Variants in STRN4 observed in about 807,000 individuals in gnomAD.
STRN4 encodes the protein striatin-4.
In STRN4, 27 loss-of-function variants were observed where a neutral mutation model predicts 77.9. That is an observed-to-expected ratio of 0.35 (90% CI 0.26 to 0.48). The LOEUF is 0.48. Among genes scored for constraint, STRN4 ranks in the 20% least tolerant of loss-of-function variants. The pLI is 0.99. For synonymous variants in STRN4, 466 were observed against 443.1 expected, an observed-to-expected ratio of 1.05 and a Z score of -0.65; for missense variants, 798 against 1,049.7, an observed-to-expected ratio of 0.76 and a Z score of 3.31.
At chr19:46,734,334 T>C (rs1306509949) in intron 4 of STRN4, among the ~76,000 whole-genome samples, 1 of 152,218 alleles carries the variant, frequency 6.6e-6, no homozygotes, top group African/African-American at 2.4e-5. Context: ...TAATAGGTAC[T>C]TGGTAAGTGT....
chr19:46,742,594 G>A (rs1438471174), intron 1 of STRN4, among the ~76,000 whole-genome samples: 2 of 151,958 alleles, frequency 1.3e-5, no homozygotes, highest in Non-Finnish European at 2.9e-5. Context: ...ATGGCATCTC[G>A]CTCTGTCACC....
chr19:46,720,449 C>A (rs2053950246), intron 17 of STRN4, 87 bp downstream of exon 17: 2 of 962,032 alleles, frequency 2.1e-6, no homozygotes, highest in East Asian at 6.4e-5. Flanking sequence ...TCACAGGACG[C>A]CCCTGACTGG....
In STRN4 at chr19:46,727,583, G is replaced by T. The variant is rs200592582; in HGVS notation, c.1154-37C>A. On this transcript the variant is annotated intron_variant, in intron 8 of 17. Coordinates refer to ENST00000263280, the MANE Select transcript of STRN4 (RefSeq NM_013403.3). ...CCAAAGGAACCTGGTAGGGGGAGGGGAGGGAGGGGCAGAGAGGGCCAGGGA... is the reference window on the plus strand; with the variant it reads ...CCAAAGGAACCTGGTAGGGGGAGGGTAGGGAGGGGCAGAGAGGGCCAGGGA... 7.4e-4 allele frequency: 1,166 copies of T among 1,586,110 alleles called. No homozygotes were observed. Among genetic ancestry groups the T allele is most frequent in the Admixed American group, 9.9e-4 (59 of 59,812 alleles).
At chr19:46,731,160 A>G (rs1291545725) in intron 5 of STRN4, among the ~76,000 whole-genome samples, 2 of 152,094 alleles carry the variant, frequency 1.3e-5, no homozygotes, top group Non-Finnish European at 2.9e-5. Context: ...ACAAATCTCC[A>G]TCCTGTGCTG....
chr19:46,741,970 G>C lies in STRN4; in HGVS notation c.283-3082C>G, dbSNP rs548139276. 1.3e-5 allele frequency among the ~76,000 whole-genome samples: 2 copies of C among 152,326 alleles called. No homozygotes were observed. The highest frequency in any genetic ancestry group is 3.9e-4 in the East Asian group (2 of 5,188). On this transcript the variant is annotated intron_variant, in intron 1 of 17. Transcript: ENST00000263280. This position sits in a 1 kb window ranked among gnomAD's most constrained non-coding sequence, Gnocchi z 4.9. Reference sequence around the variant, plus strand: ...CTCTGCTGGCACCGCACTCACTGCAGGTCCCTGTCGCTGCTCCTATACAAA... The same window carrying C: ...CTCTGCTGGCACCGCACTCACTGCACGTCCCTGTCGCTGCTCCTATACAAA...
rs2054017825 is a variant in STRN4 at position 46,723,043 on chromosome 19, C to T, written c.1765+71G>A. 6.3e-7 allele frequency: 1 copy of T among 1,580,716 alleles called. No individual in the cohort carries two copies. The highest frequency in any genetic ancestry group is 8.6e-7 in the Non-Finnish European group (1 of 1,162,308). ...ACAGTGGGTGGGAGGCCTGGGGCCT[C>T]AGCAGGAACCACTCTGATAGCCTCC... On this transcript the variant is annotated intron_variant, in intron 13 of 17. Coordinates refer to ENST00000263280, the MANE Select transcript of STRN4 (RefSeq NM_013403.3). This position sits in a 1 kb window ranked among gnomAD's most constrained non-coding sequence, Gnocchi z 5.5.
At position 46,733,215 on chromosome 19, in the gene STRN4, G is replaced by C; in HGVS notation, c.561C>G (p.Tyr187Ter). 6.2e-7 allele frequency: 1 copy of C among 1,610,726 alleles called. No homozygotes were observed. The part of the protein sequence containing the change: ...LLRQYLEEVG[Y>*]TDTILDMRSK... ...ACCGCATGTCGAGGATGGTGTCTGT[G>C]TAGCCCACCTCTTCCAGGTACCTGC... is the stretch of plus-strand genomic sequence containing the variant. The change falls in exon 5 of 18, where the codon TAC becomes TAG. Residue 187 changes from tyrosine to a stop codon, truncating the protein, a stop_gained. Transcript: ENST00000263280. LOFTEE classifies it high-confidence loss of function. The surrounding 1 kb of genome is among the most constrained non-coding windows in gnomAD (Gnocchi z 4.3).
chr19:46,722,488 G>A (rs36072940), intron 14 of STRN4, 148 bp from the exon 15 acceptor site: 1,200 of 873,242 alleles, frequency 1.4e-3, no homozygotes, highest in Non-Finnish European at 1.7e-3. Flanking sequence ...GTCCCCGACC[G>A]CAGCGCTGGT....
At chr19:46,725,702 C>A (rs1188705010) in intron 9 of STRN4, 54 bp from the exon 10 acceptor site, 2 of 1,582,396 alleles carry the variant, frequency 1.3e-6, no homozygotes, top group African/African-American at 2.7e-5. Flanking sequence ...AGCAGTCATG[C>A]AGACACCGAC....
chr19:46,734,382 G>A (rs1028019331), intron 4 of STRN4, among the ~76,000 whole-genome samples: 1 of 152,154 alleles, frequency 6.6e-6, no homozygotes, highest in African/African-American at 2.4e-5. Flanking sequence ...TAGGGTTATT[G>A]TTTGCACACA....
chr19:46,737,226 G>A (rs1192310218), intron 3 of STRN4, among the ~76,000 whole-genome samples: 1 of 152,242 alleles, frequency 6.6e-6, no homozygotes, highest in Non-Finnish European at 1.5e-5. Context: ...CATCCCAGCT[G>A]TGTGACCCTG....
chr19:46,725,778 G>A, intron 9 of STRN4, 130 bp from the exon 10 acceptor site: 5 of 1,209,340 alleles, frequency 4.1e-6, no homozygotes, highest in East Asian at 2.5e-5. Context: ...TCAGAGCCTG[G>A]GCTCCAGCCG....
rs537820475 is a variant in STRN4 at position 46,740,844 on chromosome 19, C to T, written c.283-1956G>A. On this transcript the variant is annotated intron_variant, in intron 1 of 17. Coordinates refer to ENST00000263280, the MANE Select transcript of STRN4 (RefSeq NM_013403.3). ...AGGACCCCATTGCGGGAGCGAAGGACGCTATGGGAAGAGGGACAAGAGGCG... is the reference window on the plus strand; with the variant it reads ...AGGACCCCATTGCGGGAGCGAAGGATGCTATGGGAAGAGGGACAAGAGGCG... Among the ~76,000 whole-genome samples the T allele has an allele frequency of 4.6e-5, 7 of 152,166 alleles. No individual in the cohort carries two copies. In the South Asian group the frequency reaches 6.2e-4, roughly 14 times the overall value.
chr19:46,726,448 C>T (rs923932821), intron 9 of STRN4, among the ~76,000 whole-genome samples: 3 of 148,398 alleles, frequency 2.0e-5, no homozygotes, highest in Non-Finnish European at 3.0e-5. Context: ...AGTTCGAGAC[C>T]AGCCTGGGTA....
chr19:46,721,014 G>A (rs549777114), intron 16 of STRN4: 235 of 401,290 alleles, frequency 5.9e-4, no homozygotes, highest in South Asian at 8.9e-4. Flanking sequence ...GCCCCAGGGC[G>A]GCAGGGGCAG....
chr19:46,734,635 T>G (rs1005604454), intron 4 of STRN4, among the ~76,000 whole-genome samples: 1 of 152,138 alleles, frequency 6.6e-6, no homozygotes, highest in South Asian at 2.1e-4. Flanking sequence ...TGATGCAACA[T>G]AACTAATTAA....
chr19:46,725,366 C>T lies in STRN4; in HGVS notation c.1438G>A (p.Asp480Asn). Reference protein sequence around the residue: ...AVTAKKNAALDVEPIHAFRAH... With the variant: ...AVTAKKNAALNVEPIHAFRAH... The stretch of plus-strand genomic sequence containing the variant: ...CGGAAAGCATGTATAGGTTCCACAT[C>T]TAGCGCCGCATTCCTGTGGGATGAC... Residue 480 changes from aspartate (D) to asparagine (N), a missense_variant, in exon 11 of 18, where the codon GAT becomes AAT. By Grantham distance (23) the Asp-to-Asn change is conservative. Transcript: ENST00000263280. 6.2e-7 allele frequency: 1 copy of T among 1,614,188 alleles called. No homozygotes were observed. Among genetic ancestry groups the T allele is most frequent in the Non-Finnish European group, 8.5e-7 (1 of 1,180,042 alleles).
intron 1 of STRN4, 149 bp downstream of exon 1, chr19:46,746,000 T>A: frequency 2.1e-6 from 2 of 973,974 alleles, no homozygotes; most frequent in Non-Finnish European, 2.6e-6. Context: ...GGCCCCTCAC[T>A]CGCCCTCCGG....
intron 16 of STRN4, 74 bp downstream of exon 16, chr19:46,721,912 T>A: frequency 6.4e-7 from 1 of 1,566,838 alleles, no homozygotes; most frequent in Non-Finnish European, 8.7e-7. Context: ...CCCTGAGCAC[T>A]TGCCTGGAGC....
Sources: allele counts gnomAD v4.1 joint callset (sites outside exome capture counted in the v4.1 genomes callset), GRCh38; gene constraint gnomAD v4.1.1; non-coding constraint Gnocchi (gnomAD v3.1); transcripts MANE v1.5; gene names NCBI Gene and HGNC (gene_info 2026-07-23, HGNC 2026-07-21).